GRIN2B: variants seen among roughly 807,000 people sequenced by gnomAD.
GRIN2B encodes glutamate ionotropic receptor NMDA type subunit 2B, also known as glutamate receptor ionotropic, NMDA 2B.
GRIN2B carries 5 observed loss-of-function variants against 114.5 expected under a neutral mutation model. The ratio of observed to expected loss-of-function variants is 0.04; its 90% CI spans 0.02 to 0.09. The LOEUF (loss-of-function observed/expected upper bound fraction) is 0.09, where lower values mean the gene tolerates loss of function less well. Among genes scored for constraint, GRIN2B ranks in the 10% least tolerant of loss-of-function variants. The pLI, the probability that GRIN2B is intolerant of heterozygous loss-of-function variation, is 1.00. For missense variants in GRIN2B, 1,108 were observed against 1,943.5 expected, an observed-to-expected ratio of 0.57 and a Z score of 8.08; for synonymous variants, 787 against 745.1, an observed-to-expected ratio of 1.06 and a Z score of -0.92.
At chr12:13,757,764 A>T (rs1863604093) in intron 3 of GRIN2B, among the ~76,000 whole-genome samples, 1 of 152,150 alleles carries the variant, frequency 6.6e-6, no homozygotes, top group African/African-American at 2.4e-5. Flanking sequence ...AGACCCTAAC[A>T]GTCTAGAACC....
chr12:13,731,056 C>A (rs962137710), intron 4 of GRIN2B, among the ~76,000 whole-genome samples: 1 of 152,134 alleles, frequency 6.6e-6, no homozygotes, highest in African/African-American at 2.4e-5. Context: ...AAGGCTCAGT[C>A]CATAGCTCAC....
At position 13,548,057 on chromosome 12, in the gene GRIN2B, G is replaced by T. The variant is rs1295092794; in HGVS notation, c.*14726C>A. On this transcript the variant is annotated 3_prime_UTR_variant, in exon 14 of 14. Coordinates refer to ENST00000609686, the MANE Select transcript of GRIN2B (RefSeq NM_000834.5). The stretch of plus-strand genomic sequence containing the variant: ...CTGCCAAGGTGCCAATGATCAAATA[G>T]AGAAGTCTAGCTTGGAAATAAATCA... 3.5e-5 allele frequency: 5 copies of T among 144,594 alleles called. No homozygotes were observed. The East Asian group carries it at 1.0e-3, about 29-fold the overall frequency. The allele number at this position is 144,594 out of a possible 1,614,324, so 9.0% of individuals were successfully genotyped here.
At chr12:13,958,360 C>T (rs1867629723) in intron 2 of GRIN2B, among the ~76,000 whole-genome samples, 1 of 152,170 alleles carries the variant, frequency 6.6e-6, no homozygotes. Flanking sequence ...AGTCCTGATG[C>T]CCAGGAGCAA....
At chr12:13,722,081 C>T in intron 4 of GRIN2B, among the ~76,000 whole-genome samples, 1 of 152,054 alleles carries the variant, frequency 6.6e-6, no homozygotes, top group East Asian at 1.9e-4. Flanking sequence ...GCAAGAGCCA[C>T]AAGAACCATT....
intron 4 of GRIN2B, among the ~76,000 whole-genome samples, chr12:13,676,450 A>G (rs1017052110): frequency 6.6e-6 from 1 of 152,144 alleles, no homozygotes; most frequent in African/African-American, 2.4e-5. Flanking sequence ...GTTTTTCCCT[A>G]TCAGTGAAAA....
At chr12:13,603,937 T>A (rs904048623) in intron 10 of GRIN2B, among the ~76,000 whole-genome samples, 2 of 151,948 alleles carry the variant, frequency 1.3e-5, no homozygotes, top group Non-Finnish European at 2.9e-5. Context: ...ATGAGAATAA[T>A]CATACCTGTG....
rs180982617 is a variant in GRIN2B at position 13,671,631 on chromosome 12, C to T, written c.1125+4114G>A. 5.3e-5 allele frequency among the ~76,000 whole-genome samples: 8 copies of T among 152,312 alleles called. No homozygotes were observed. The East Asian group carries it at 1.4e-3, about 26-fold the overall frequency. On this transcript the variant is annotated intron_variant, in intron 5 of 13. Transcript: ENST00000609686. ...TCCTTCCCTGGCACTGGGGTGCTCACTCCAGAGGAGGGGAAGTTACCTGTT... is the reference window on the plus strand; with the variant it reads ...TCCTTCCCTGGCACTGGGGTGCTCATTCCAGAGGAGGGGAAGTTACCTGTT...
chr12:13,653,598 G>A (rs1949838379), intron 5 of GRIN2B, among the ~76,000 whole-genome samples: 1 of 151,992 alleles, frequency 6.6e-6, no homozygotes, highest in African/African-American at 2.4e-5. Flanking sequence ...AAAAAAAGGA[G>A]GAGTTGCAAG....
At chr12:13,801,141 A>G (rs900171601) in intron 3 of GRIN2B, among the ~76,000 whole-genome samples, 31 of 152,324 alleles carry the variant, frequency 2.0e-4, no homozygotes, top group Non-Finnish European at 4.1e-4. Flanking sequence ...CCATATCAAC[A>G]TATACTTATT....
chr12:13,693,836 T>C (rs971820397), intron 4 of GRIN2B, among the ~76,000 whole-genome samples: 1 of 152,090 alleles, frequency 6.6e-6, no homozygotes, highest in African/African-American at 2.4e-5. Flanking sequence ...GCATCACACC[T>C]GTTAGAGAGC....
At chr12:13,929,575 A>C (rs1866983891) in intron 2 of GRIN2B, among the ~76,000 whole-genome samples, 1 of 152,202 alleles carries the variant, frequency 6.6e-6, no homozygotes, top group Non-Finnish European at 1.5e-5. Context: ...TGCTGTTACT[A>C]CGCTAGGCCT....
intron 3 of GRIN2B, among the ~76,000 whole-genome samples, chr12:13,819,514 A>T (rs146337848): frequency 9.5e-4 from 144 of 152,286 alleles, no homozygotes; most frequent in African/African-American, 3.1e-3. Flanking sequence ...TAGGAACAGG[A>T]TGTGTTTCCT....
intron 4 of GRIN2B, among the ~76,000 whole-genome samples, chr12:13,741,093 T>C (rs1863276369): frequency 6.6e-6 from 1 of 152,206 alleles, no homozygotes; most frequent in South Asian, 2.1e-4. Flanking sequence ...TGCAGTGGTG[T>C]GATCTCAGCT....
chr12:13,899,372 A>G (rs1866406690), intron 2 of GRIN2B, among the ~76,000 whole-genome samples: 1 of 152,174 alleles, frequency 6.6e-6, no homozygotes. Flanking sequence ...AGACACTATG[A>G]TCTGGCAAAA....
At position 13,547,981 on chromosome 12, in the gene GRIN2B, A is replaced by ATATTTTTTTTTTTTTTTT; in HGVS notation, c.*14801_*14802insAAAAAAAAAAAAAAAATA. ...TGTGTATATATATATATATATATAT[A>ATATTTTTTTTTTTTTTTT]TTTTTTTTTTTTTTCTGAAAGCTAC... On this transcript the variant is annotated 3_prime_UTR_variant, in exon 14 of 14. Transcript: ENST00000609686. The ATATTTTTTTTTTTTTTTT allele has an allele frequency of 4.4e-5, 3 of 68,576 alleles. No homozygotes were observed. Among genetic ancestry groups the ATATTTTTTTTTTTTTTTT allele is most frequent in the Admixed American group, 1.9e-4 (1 of 5,178 alleles). The allele number at this position is 68,576 out of a possible 1,614,324, so 4.2% of individuals were successfully genotyped here. A position where few individuals can be genotyped will look rare whatever the true frequency, so the allele number is the denominator to read the frequency against.
intron 2 of GRIN2B, among the ~76,000 whole-genome samples, chr12:13,904,387 C>T (rs1866505175): frequency 6.6e-6 from 1 of 152,022 alleles, no homozygotes; most frequent in Admixed American, 6.6e-5. Flanking sequence ...TATCATTACC[C>T]TTCTTTCAGA....
chr12:13,769,652 A>G (rs1289829508), intron 3 of GRIN2B, among the ~76,000 whole-genome samples: 1 of 152,248 alleles, frequency 6.6e-6, no homozygotes, highest in Non-Finnish European at 1.5e-5. Flanking sequence ...GAGATTAAAT[A>G]CTGTTTGCAT....
chr12:13,979,783 A>C (rs1212923202), intron 2 of GRIN2B, 145 bp downstream of exon 2: 1 of 152,174 alleles, frequency 6.6e-6, no homozygotes, highest in Non-Finnish European at 1.5e-5. Context: ...CTTCTTTGTA[A>C]TAAGCCTTTT....
At chr12:13,760,635 G>A (rs1040579067) in intron 3 of GRIN2B, among the ~76,000 whole-genome samples, 5 of 152,116 alleles carry the variant, frequency 3.3e-5, no homozygotes, top group African/African-American at 1.2e-4. Context: ...GAACTGGTAG[G>A]CTTTCCCTGA....
Sources: allele counts gnomAD v4.1 joint callset (sites outside exome capture counted in the v4.1 genomes callset), GRCh38; gene constraint gnomAD v4.1.1; transcripts MANE v1.5; gene names NCBI Gene and HGNC (gene_info 2026-07-23, HGNC 2026-07-21).